CASQ2: variants seen among roughly 807,000 people sequenced by gnomAD.
The protein encoded by CASQ2 is calsequestrin 2.
In CASQ2, 49 loss-of-function variants were observed where a neutral mutation model predicts 46.5. The ratio of observed to expected loss-of-function variants is 1.05; its 90% CI spans 0.84 to 1.34. CASQ2 has a LOEUF of 1.34. Among genes scored for constraint, CASQ2 ranks in the 40% most tolerant of loss-of-function variants. The pLI, the probability that CASQ2 is intolerant of heterozygous loss-of-function variation, is 0.00. For missense variants in CASQ2, 486 were observed against 481.3 expected (o/e 1.01, Z -0.09); for synonymous variants, 174 against 168.5 (o/e 1.03, Z -0.25).
At chr1:115,736,890 T>C (rs563524112) in intron 4 of CASQ2, among the ~76,000 whole-genome samples, 1 of 152,276 alleles carries the variant, frequency 6.6e-6, no homozygotes, top group Non-Finnish European at 1.5e-5. Context: ...TATAAGCTCC[T>C]AGCATAGGCC....
chr1:115,708,401 A>T (rs1250911310), intron 8 of CASQ2, among the ~76,000 whole-genome samples: 1 of 152,200 alleles, frequency 6.6e-6, no homozygotes, highest in Non-Finnish European at 1.5e-5. Flanking sequence ...CTCTGACCCC[A>T]AATACTTTCA....
intron 8 of CASQ2, among the ~76,000 whole-genome samples, chr1:115,706,957 T>C (rs553041912): frequency 6.6e-6 from 1 of 152,268 alleles, no homozygotes; most frequent in Non-Finnish European, 1.5e-5. Flanking sequence ...TGTTGCTAGC[T>C]CACACTGAAG....
intron 10 of CASQ2, 123 bp downstream of exon 10, chr1:115,702,798 G>A: frequency 1.3e-6 from 1 of 779,016 alleles, no homozygotes; most frequent in Non-Finnish European, 2.2e-6. Context: ...GTTTCCTTGA[G>A]CAGGACCCCT....
At chr1:115,731,219 T>C (rs1647771528) in intron 5 of CASQ2, among the ~76,000 whole-genome samples, 1 of 152,228 alleles carries the variant, frequency 6.6e-6, no homozygotes, top group African/African-American at 2.4e-5. Context: ...CCTCACCTTT[T>C]TCATGGACCA....
intron 1 of CASQ2, among the ~76,000 whole-genome samples, chr1:115,750,655 T>C (rs1002572034): frequency 3.3e-5 from 5 of 152,054 alleles, no homozygotes; most frequent in African/African-American, 1.2e-4. Context: ...ACTACAGGCC[T>C]GCACCAACAC....
chr1:115,757,970 C>T (rs1648818531), intron 1 of CASQ2, among the ~76,000 whole-genome samples: 1 of 152,222 alleles, frequency 6.6e-6, no homozygotes, highest in Non-Finnish European at 1.5e-5. Flanking sequence ...CAAGCAACAG[C>T]CCATTGGCTC....
At chr1:115,716,710 C>A (rs1032721850) in intron 8 of CASQ2, among the ~76,000 whole-genome samples, 4 of 152,142 alleles carry the variant, frequency 2.6e-5, no homozygotes, top group Admixed American at 1.3e-4. Flanking sequence ...AAAATAAAAT[C>A]CCGCTAGGCT....
intron 4 of CASQ2, among the ~76,000 whole-genome samples, chr1:115,733,640 A>G (rs562420159): frequency 2.0e-5 from 3 of 152,196 alleles, no homozygotes; most frequent in African/African-American, 7.2e-5. Flanking sequence ...GGAGTGCTGT[A>G]CCTTGGTACA....
At chr1:115,766,290 AACT>A (rs1199635872) in intron 1 of CASQ2, among the ~76,000 whole-genome samples, 1 of 152,182 alleles carries the variant, frequency 6.6e-6, no homozygotes, top group Non-Finnish European at 1.5e-5. Context: ...TGTTACGTAC[AACT>A]GCCTTCATCT....
At chr1:115,730,862 C>G (rs531017549) in intron 5 of CASQ2, among the ~76,000 whole-genome samples, 2 of 152,118 alleles carry the variant, frequency 1.3e-5, no homozygotes, top group African/African-American at 2.4e-5. Flanking sequence ...CTGAGATTCC[C>G]TAGGATGTGT....
chr1:115,745,885 A>G (rs929801669), intron 1 of CASQ2, among the ~76,000 whole-genome samples: 5 of 152,198 alleles, frequency 3.3e-5, no homozygotes, highest in African/African-American at 9.7e-5. Flanking sequence ...CAATGTTACA[A>G]ATTGGATATT....
chr1:115,742,914 G>A (rs1030031570), intron 2 of CASQ2, among the ~76,000 whole-genome samples: 64 of 152,018 alleles, frequency 4.2e-4, no homozygotes, highest in East Asian at 2.0e-4. Flanking sequence ...TCAGCCTCCC[G>A]AGTAGTGGGA....
intron 1 of CASQ2, among the ~76,000 whole-genome samples, chr1:115,753,325 C>G (rs1648644065): frequency 6.6e-6 from 1 of 152,116 alleles, no homozygotes; most frequent in South Asian, 2.1e-4. Context: ...CAGAGCGGAG[C>G]TATGGGAGAA....
At chr1:115,739,411 C>T (rs995513882) in intron 3 of CASQ2, among the ~76,000 whole-genome samples, 11 of 152,042 alleles carry the variant, frequency 7.2e-5, no homozygotes, top group African/African-American at 2.2e-4. Flanking sequence ...CACCACGCTC[C>T]GCCATGTACC....
chr1:115,708,597 C>T (rs534910841), intron 8 of CASQ2, among the ~76,000 whole-genome samples: 1 of 152,222 alleles, frequency 6.6e-6, no homozygotes, highest in South Asian at 2.1e-4. Flanking sequence ...GCATCTACTT[C>T]GTCGGGTAGT....
chr1:115,738,879 C>A (rs1648060310), intron 3 of CASQ2, among the ~76,000 whole-genome samples: 1 of 151,550 alleles, frequency 6.6e-6, no homozygotes, highest in Non-Finnish European at 1.5e-5. Flanking sequence ...CTCTCCATTC[C>A]CACCACCCCC....
chr1:115,704,532 T>C (rs1654302377), intron 9 of CASQ2, among the ~76,000 whole-genome samples: 1 of 152,232 alleles, frequency 6.6e-6, no homozygotes, highest in Admixed American at 6.5e-5. Context: ...GCTATGCTTA[T>C]TATCAGTACC....
intron 8 of CASQ2, among the ~76,000 whole-genome samples, chr1:115,711,736 C>T (rs1654553428): frequency 6.6e-6 from 1 of 151,842 alleles, no homozygotes; most frequent in African/African-American, 2.4e-5. Context: ...CTCACTGCAA[C>T]CTCTGCCTCC....
At chr1:115,734,957 G>A (rs146530261) in intron 4 of CASQ2, among the ~76,000 whole-genome samples, 91 of 152,296 alleles carry the variant, frequency 6.0e-4, no homozygotes, top group African/African-American at 2.2e-3. Flanking sequence ...TGAAAGCACT[G>A]CACAAAATAA....
Sources: gnomAD v4.1 joint callset for allele counts (sites outside exome capture counted in the v4.1 genomes callset) on GRCh38, gnomAD v4.1.1 for gene constraint, MANE v1.5 for transcripts, NCBI Gene and HGNC (gene_info 2026-07-23, HGNC 2026-07-21) for gene names.